EEF1G: variants seen among roughly 807,000 people sequenced by gnomAD.
EEF1G encodes eukaryotic translation elongation factor 1 gamma.
In EEF1G, 14 loss-of-function variants were observed where a neutral mutation model predicts 58.3. The observed-to-expected ratio is 0.24, with a 90% CI of 0.16 to 0.38. The LOEUF is 0.38. Among genes scored for constraint, EEF1G ranks in the 10% least tolerant of loss-of-function variants. The probability of loss-of-function intolerance (pLI) is 1.00; values close to 1 mark genes in which losing one functional copy is unlikely to be tolerated. For missense variants in EEF1G, 322 were observed against 550.1 expected, an observed-to-expected ratio of 0.59 and a Z score of 4.15; for synonymous variants, 180 against 206.8, an observed-to-expected ratio of 0.87 and a Z score of 1.11.
Position 62,560,024 on chromosome 11 carries a change from T to A in EEF1G, c.1155+45A>T, listed in dbSNP as rs752117881. Reference sequence around the variant, plus strand: ...GAAATAAAACACAGTGCTTCTTATATCCCTGCCCCACCCTAAAGAGACTCC... The same window carrying A: ...GAAATAAAACACAGTGCTTCTTATAACCCTGCCCCACCCTAAAGAGACTCC... On this transcript the variant is annotated intron_variant, in intron 9 of 9. Coordinates refer to ENST00000329251, the MANE Select transcript of EEF1G (RefSeq NM_001404.5). 5.6e-6 allele frequency: 9 copies of A among 1,612,886 alleles called. No individual in the cohort carries two copies. The Admixed American group carries it at 1.5e-4, about 27-fold the overall frequency.
intron 2 of EEF1G, among the ~76,000 whole-genome samples, chr11:62,572,273 C>CT (rs1190355360): frequency 6.6e-6 from 1 of 152,160 alleles, no homozygotes; most frequent in East Asian, 1.9e-4. Flanking sequence ...CTTCACCTAT[C>CT]TCTATAAACC....
At chr11:62,572,876 C>T (rs937777125) in intron 1 of EEF1G, 134 bp from the exon 2 acceptor site, 1 of 762,730 alleles carries the variant, frequency 1.3e-6, no homozygotes, top group Non-Finnish European at 2.0e-6. Flanking sequence ...GAACCAAGTC[C>T]TTTAGTACTT....
chr11:62,565,088 A>G (rs1041165060), intron 7 of EEF1G, among the ~76,000 whole-genome samples: 9 of 151,608 alleles, frequency 5.9e-5, no homozygotes, highest in African/African-American at 1.9e-4. Flanking sequence ...AAACAAACCA[A>G]AAAAAAACAA....
chr11:62,564,988 G>A (rs1445758820), intron 7 of EEF1G, among the ~76,000 whole-genome samples: 2 of 151,906 alleles, frequency 1.3e-5, no homozygotes, highest in East Asian at 3.9e-4. Flanking sequence ...CAGGAGAATC[G>A]CTTGAACTGG....
At chr11:62,567,053 C>T in intron 6 of EEF1G, 43 bp from the exon 7 acceptor site, 1 of 1,594,190 alleles carries the variant, frequency 6.3e-7, no homozygotes, top group South Asian at 1.1e-5. Flanking sequence ...TGTTCTGCCT[C>T]TTTCCACACC....
Position 62,560,408 on chromosome 11 carries a change from T to A in EEF1G, c.904A>T (p.Thr302Ser), listed in dbSNP as rs1431363420. The A allele has an allele frequency of 6.2e-7, 1 of 1,609,926 alleles. No homozygotes were observed. Among genetic ancestry groups the A allele is most frequent in the Non-Finnish European group, 8.5e-7 (1 of 1,177,994 alleles). ...EFKRKYSNED[T>S]LSVALPYFWE... ...AAATATGGCAGTGCCACAGAGAGTG[T>A]GTCCTCATTGGAGTACTTGCGCTTA... is the stretch of plus-strand genomic sequence containing the variant. Residue 302 changes from threonine to serine, a missense_variant, in exon 8 of 10, where the codon ACA (threonine) becomes TCA (serine). This residue lies in a region of EEF1G where 208 missense variants were observed against 323.7 expected (regional missense o/e 0.64). Coordinates refer to ENST00000329251, the MANE Select transcript of EEF1G (RefSeq NM_001404.5).
At chr11:62,562,844 C>G (rs886183506) in intron 7 of EEF1G, among the ~76,000 whole-genome samples, 4 of 152,172 alleles carry the variant, frequency 2.6e-5, no homozygotes, top group Non-Finnish European at 4.4e-5. Context: ...ATGACATATG[C>G]AGTTTTGTGC....
chr11:62,572,450 AAAAT>A, intron 2 of EEF1G, 130 bp downstream of exon 2: 1 of 1,236,842 alleles, frequency 8.1e-7, no homozygotes, highest in South Asian at 1.5e-5. Flanking sequence ...TATTTATCTC[AAAAT>A]AAAATCACCG....
At position 62,572,760 on chromosome 11, in the gene EEF1G, G is replaced by T; in HGVS notation, c.13-18C>A. On this transcript the variant is annotated intron_variant, in intron 1 of 9. Transcript: ENST00000329251. Reference sequence around the variant, plus strand: ...TACAGGGTCTATGGGAGAAAGAGAGGGACAAAATTAATGAGTAGAAGGGTC... The same window carrying T: ...TACAGGGTCTATGGGAGAAAGAGAGTGACAAAATTAATGAGTAGAAGGGTC... 1 of 1,597,664 alleles carries T rather than the reference G, an allele frequency of 6.3e-7. No individual in the cohort carries two copies. The highest frequency in any genetic ancestry group is 8.6e-7 in the Non-Finnish European group (1 of 1,167,600).
intron 5 of EEF1G, among the ~76,000 whole-genome samples, chr11:62,570,006 G>A (rs954330560): frequency 6.6e-6 from 1 of 151,888 alleles, no homozygotes; most frequent in East Asian, 1.9e-4. Context: ...TACCTACATT[G>A]GTAAACAATG....
intron 7 of EEF1G, among the ~76,000 whole-genome samples, chr11:62,562,183 C>T (rs1941503819): frequency 6.6e-6 from 1 of 152,162 alleles, no homozygotes; most frequent in South Asian, 2.1e-4. Flanking sequence ...TCTTTTGATT[C>T]TTGCATGTTT....
At chr11:62,573,269 T>C (rs1030355668) in intron 1 of EEF1G, 1 of 157,860 alleles carries the variant, frequency 6.3e-6, no homozygotes, top group Non-Finnish European at 1.4e-5. Context: ...AACTCCTCTC[T>C]CTCAAAAAGC....
intron 7 of EEF1G, among the ~76,000 whole-genome samples, chr11:62,565,489 A>G (rs910353850): frequency 1.3e-5 from 2 of 152,226 alleles, no homozygotes; most frequent in Non-Finnish European, 2.9e-5. Context: ...ATGTTAAGAA[A>G]ATGTAAAGTT....
rs1357421681 is a variant in EEF1G at position 62,559,633 on chromosome 11, C to T, written c.*46G>A. On this transcript the variant is annotated 3_prime_UTR_variant, in exon 10 of 10. Coordinates refer to ENST00000329251, the MANE Select transcript of EEF1G (RefSeq NM_001404.5). Reference sequence around the variant, plus strand: ...TTCAGTTTCCTTTAATGACCCCCATCTCCCTGAAGGGCAGGTGCAGGCAGC... The same window carrying T: ...TTCAGTTTCCTTTAATGACCCCCATTTCCCTGAAGGGCAGGTGCAGGCAGC... The T allele has an allele frequency of 6.2e-7, 1 of 1,606,448 alleles. No homozygotes were observed. The highest frequency in any genetic ancestry group is 2.2e-5 in the East Asian group (1 of 44,720).
At chr11:62,565,862 G>A (rs1045321292) in intron 7 of EEF1G, among the ~76,000 whole-genome samples, 1 of 152,182 alleles carries the variant, frequency 6.6e-6, no homozygotes, top group Non-Finnish European at 1.5e-5. Context: ...TCTATGCACA[G>A]CTACTGTGTC....
At chr11:62,563,325 CGGT>C (rs1941520311) in intron 7 of EEF1G, among the ~76,000 whole-genome samples, 1 of 151,950 alleles carries the variant, frequency 6.6e-6, no homozygotes, top group African/African-American at 2.4e-5. Flanking sequence ...TTAGTAGAGA[CGGT>C]ATTTTTACCG....
intron 7 of EEF1G, among the ~76,000 whole-genome samples, chr11:62,562,669 C>T (rs1207111720): frequency 6.6e-6 from 1 of 152,028 alleles, no homozygotes; most frequent in African/African-American, 2.4e-5. Context: ...CTAGTAGAGA[C>T]GAGGTTTCAC....
At chr11:62,571,719 G>A (rs1376291040) in intron 3 of EEF1G, 37 bp from the exon 4 acceptor site, 3 of 1,575,920 alleles carry the variant, frequency 1.9e-6, no homozygotes, top group African/African-American at 1.4e-5. Context: ...AACTCTGGGG[G>A]AATGCCAACA....
At chr11:62,564,333 C>G (rs1436496218) in intron 7 of EEF1G, among the ~76,000 whole-genome samples, 2 of 136,720 alleles carry the variant, frequency 1.5e-5, no homozygotes, top group Non-Finnish European at 3.4e-5. Flanking sequence ...CATGGTGGCA[C>G]GCACCTGCAA....
Sources: gnomAD v4.1 joint callset for allele counts (sites outside exome capture counted in the v4.1 genomes callset) on GRCh38, gnomAD v4.1.1 for gene constraint, gnomAD v4.1.1 regional missense constraint, MANE v1.5 for transcripts, NCBI Gene and HGNC (gene_info 2026-07-23, HGNC 2026-07-21) for gene names.